The following ZNF536 variants were observed in gnomAD, a reference collection of about 807,000 sequenced individuals.
ZNF536 encodes the protein zinc finger protein 536.
Under a neutral mutation model 84.5 loss-of-function variants are expected in ZNF536, and 13 were observed. The observed-to-expected ratio is 0.15, with a 90% CI of 0.10 to 0.24. The LOEUF (loss-of-function observed/expected upper bound fraction) is 0.24. ZNF536 is among the 10% of genes least tolerant of loss of function. The pLI, the probability that ZNF536 is intolerant of heterozygous loss-of-function variation, is 1.00. For synonymous variants in ZNF536, 811 were observed against 742.5 expected (o/e 1.09, Z -1.50); for missense variants, 1,536 against 1,747.5 (o/e 0.88, Z 2.16).
chr19:30,413,762 G>A lies in ZNF536; in HGVS notation c.-2-29799G>A, dbSNP rs572179166. ...TTCATCACTATGATTGCTCCTTGAA[G>A]TTCTTTGATAGACTGTATTCTTTCT... On this transcript the variant is annotated intron_variant, in intron 1 of 4. Transcript: ENST00000355537. 3.1e-4 allele frequency among the ~76,000 whole-genome samples: 47 copies of A among 152,098 alleles called. 1 individual carries two copies. In the South Asian group the frequency reaches 5.0e-3, roughly 16 times the overall value.
chr19:30,535,577 G>C (rs1220854649), intron 3 of ZNF536, among the ~76,000 whole-genome samples: 1 of 152,074 alleles, frequency 6.6e-6, no homozygotes, highest in East Asian at 1.9e-4. Context: ...TAGGCAAAGG[G>C]GGGCAAGTGG....
intron 2 of ZNF536, among the ~76,000 whole-genome samples, chr19:30,472,573 C>T (rs186320842): frequency 6.6e-6 from 1 of 152,122 alleles, no homozygotes; most frequent in East Asian, 1.9e-4. Context: ...ACTGAGTCAC[C>T]CAGTGTAGTG....
At chr19:30,236,431 C>A (rs2023510967) in intron 1 of ZNF536, among the ~76,000 whole-genome samples, 1 of 151,998 alleles carries the variant, frequency 6.6e-6, no homozygotes, top group Admixed American at 6.6e-5. Context: ...TTGTTTCAGC[C>A]CCCCCACCCC....
chr19:30,468,892 A>T lies in ZNF536; in HGVS notation c.2170+23160A>T, dbSNP rs181237926. Among the ~76,000 whole-genome samples the T allele has an allele frequency of 3.8e-4, 58 of 152,180 alleles. No individual in the cohort carries two copies. In the East Asian group the frequency reaches 9.5e-3, roughly 25 times the overall value. On this transcript the variant is annotated intron_variant, in intron 2 of 4. Coordinates refer to ENST00000355537, the MANE Select transcript of ZNF536 (RefSeq NM_014717.3). ...AGGGATTCCAGGCAGGAGTGTGCTCATCCCATTCCCACCTGAGAATGTCCA... is the reference window on the plus strand; with the variant it reads ...AGGGATTCCAGGCAGGAGTGTGCTCTTCCCATTCCCACCTGAGAATGTCCA...
chr19:30,599,650 A>G, intron 1 of ZNF536, among the ~76,000 whole-genome samples: 1 of 151,958 alleles, frequency 6.6e-6, no homozygotes, highest in East Asian at 1.9e-4. Flanking sequence ...CCTTTACAAG[A>G]CAAGGCAGAG....
intron 1 of ZNF536, among the ~76,000 whole-genome samples, chr19:30,693,689 G>C (rs555996674): frequency 6.6e-6 from 1 of 152,266 alleles, no homozygotes; most frequent in South Asian, 2.1e-4. Flanking sequence ...GCATTGAAAA[G>C]TTTATGCTTC....
In ZNF536 at chr19:30,244,082, T is replaced by G. The variant is rs148046613; in HGVS notation, c.-190+15409T>G. 2.3e-3 allele frequency among the ~76,000 whole-genome samples: 352 copies of G among 152,344 alleles called. 3 individuals are homozygous for G. Among genetic ancestry groups the G allele is most frequent in the African/African-American group, 7.9e-3 (328 of 41,582 alleles). On this transcript the variant is annotated intron_variant, in intron 1 of 5. Coordinates refer to the ZNF536 transcript ENST00000585628. ...AGTTTTCCTTAGCTTCGTCTTCTTT[T>G]AGAAGAATCTACAGTTTCTGATTTC...
At chr19:30,673,720 C>T (rs898326581) in intron 1 of ZNF536, among the ~76,000 whole-genome samples, 16 of 152,330 alleles carry the variant, frequency 1.1e-4, no homozygotes, top group East Asian at 3.9e-4. Flanking sequence ...CTCTCACATG[C>T]GTGCCCACCA....
chr19:30,564,517 A>T (rs1757689106), intron 1 of ZNF536, among the ~76,000 whole-genome samples: 3 of 152,032 alleles, frequency 2.0e-5, no homozygotes, highest in Non-Finnish European at 4.4e-5. Context: ...GGGATGGGCC[A>T]TCCCACTGCT....
chr19:30,350,273 T>C (rs1298518883), intron 2 of ZNF536, among the ~76,000 whole-genome samples: 1 of 152,224 alleles, frequency 6.6e-6, no homozygotes, highest in Non-Finnish European at 1.5e-5. Context: ...ACAGCTTTTG[T>C]GGATTAGTAA....
At chr19:30,231,688 T>A (rs2023058317) in intron 1 of ZNF536, among the ~76,000 whole-genome samples, 1 of 152,126 alleles carries the variant, frequency 6.6e-6, no homozygotes, top group South Asian at 2.1e-4. Flanking sequence ...GCCGTGATGG[T>A]CCCCTTGGTG....
At chr19:30,255,155 A>G (rs2024843260) in intron 1 of ZNF536, among the ~76,000 whole-genome samples, 1 of 152,150 alleles carries the variant, frequency 6.6e-6, no homozygotes, top group African/African-American at 2.4e-5. Context: ...GTGTCTCTGG[A>G]TCTATTCCCC....
intron 1 of ZNF536, among the ~76,000 whole-genome samples, chr19:30,437,220 G>A (rs767822008): frequency 2.6e-5 from 4 of 152,026 alleles, no homozygotes; most frequent in Non-Finnish European, 5.9e-5. Context: ...TAGACTCGTA[G>A]CAGCTGGCAT....
At chr19:30,382,237 T>C (rs529869491) in intron 1 of ZNF536, among the ~76,000 whole-genome samples, 1 of 152,320 alleles carries the variant, frequency 6.6e-6, no homozygotes, top group South Asian at 2.1e-4. Flanking sequence ...CGATTTGAAT[T>C]AAGCATAAAC....
intron 1 of ZNF536, among the ~76,000 whole-genome samples, chr19:30,700,669 G>A (rs1288944539): frequency 6.6e-6 from 1 of 152,156 alleles, no homozygotes; most frequent in African/African-American, 2.4e-5. Flanking sequence ...TTTCAGGCCT[G>A]AGCCTCCCGT....
intron 2 of ZNF536, among the ~76,000 whole-genome samples, chr19:30,324,671 C>T (rs1738836825): frequency 6.6e-6 from 1 of 152,192 alleles, no homozygotes; most frequent in Non-Finnish European, 1.5e-5. Flanking sequence ...GGATTACAGG[C>T]ATGAGCCACT....
intron 2 of ZNF536, among the ~76,000 whole-genome samples, chr19:30,329,359 A>G (rs2047136361): frequency 6.6e-6 from 1 of 152,176 alleles, no homozygotes; most frequent in South Asian, 2.1e-4. Flanking sequence ...CCCTTTGAAG[A>G]AAAATATGCT....
intron 2 of ZNF536, among the ~76,000 whole-genome samples, chr19:30,518,265 G>A (rs1187791716): frequency 2.0e-5 from 3 of 152,184 alleles, no homozygotes; most frequent in Non-Finnish European, 1.5e-5. Flanking sequence ...AAGCACTTAC[G>A]AAGGGTAGCT....
At chr19:30,459,535 GA>G in intron 2 of ZNF536, among the ~76,000 whole-genome samples, 1 of 151,994 alleles carries the variant, frequency 6.6e-6, no homozygotes, top group South Asian at 2.1e-4. Flanking sequence ...ATTTTTAGTA[GA>G]GACAGGGTTT....
Sources: gnomAD v4.1 joint callset for allele counts (sites outside exome capture counted in the v4.1 genomes callset) on GRCh38, gnomAD v4.1.1 for gene constraint, MANE v1.5 for transcripts, NCBI Gene and HGNC (gene_info 2026-07-23, HGNC 2026-07-21) for gene names.